The following ADAMTS17 variants were observed in gnomAD, a reference collection of about 807,000 sequenced individuals.
ADAMTS17 encodes A disintegrin and metalloproteinase with thrombospondin motifs 17.
A neutral mutation model predicts 141.5 loss-of-function variants in ADAMTS17; 113 were observed. The observed-to-expected ratio is 0.80, with a 90% CI of 0.69 to 0.93. The LOEUF (loss-of-function observed/expected upper bound fraction) is 0.93. Ranked by LOEUF, ADAMTS17 falls within the 40% of genes least tolerant of loss-of-function variation. The probability of loss-of-function intolerance (pLI) is 0.00; values close to 1 mark genes in which losing one functional copy is unlikely to be tolerated. For missense variants in ADAMTS17, 1,659 were observed against 1,517.9 expected (o/e 1.09, Z -1.54); for synonymous variants, 768 against 630.6 (o/e 1.22, Z -3.27).
intron 8 of ADAMTS17, among the ~76,000 whole-genome samples, chr15:100,181,705 T>C (rs1687022274): frequency 6.6e-6 from 1 of 152,264 alleles, no homozygotes; most frequent in African/African-American, 2.4e-5. Context: ...GACAATGTTC[T>C]CTTTACGCTT....
At chr15:100,305,077 G>C (rs1298393162) in intron 3 of ADAMTS17, among the ~76,000 whole-genome samples, 1 of 152,104 alleles carries the variant, frequency 6.6e-6, no homozygotes. Context: ...AGTTTCTGGA[G>C]AGTCAAAAGT....
At chr15:100,278,272 G>A (rs1311152080) in intron 4 of ADAMTS17, among the ~76,000 whole-genome samples, 1 of 151,404 alleles carries the variant, frequency 6.6e-6, no homozygotes, top group East Asian at 1.9e-4. Context: ...CACTGAGCTG[G>A]TCCACATAAA....
At position 100,286,339 on chromosome 15, in the gene ADAMTS17, T is replaced by C. The variant is rs138635999; in HGVS notation, c.617-4938A>G. On this transcript the variant is annotated intron_variant, in intron 3 of 21. Transcript: ENST00000268070. ...CTGCTGAGGCACAGGCAGTCTGACA[T>C]GCCACCGTGGCTGCTGGCACATATG... Among the ~76,000 whole-genome samples the C allele has an allele frequency of 8.3e-3, 1,268 of 152,290 alleles. 20 individuals are homozygous for C. The highest frequency in any genetic ancestry group is 0.055 in the Middle Eastern group (16 of 292).
intron 18 of ADAMTS17, among the ~76,000 whole-genome samples, chr15:100,032,031 G>C (rs2030225077): frequency 6.6e-6 from 1 of 152,200 alleles, no homozygotes; most frequent in African/African-American, 2.4e-5. Context: ...ACTTGGTACA[G>C]GTAGATGCAT....
At chr15:100,065,014 A>G (rs2033414090) in intron 15 of ADAMTS17, among the ~76,000 whole-genome samples, 1 of 152,212 alleles carries the variant, frequency 6.6e-6, no homozygotes, top group Non-Finnish European at 1.5e-5. Flanking sequence ...AGGTTCAACT[A>G]TGTGGAAATC....
At chr15:100,117,132 C>T in intron 12 of ADAMTS17, 119 bp from the exon 13 acceptor site, 1 of 1,177,438 alleles carries the variant, frequency 8.5e-7, no homozygotes, top group Non-Finnish European at 1.2e-6. Flanking sequence ...TTTCCAAAGC[C>T]ACCCCCTCTC....
chr15:100,116,936 C>A lies in ADAMTS17; in HGVS notation c.1799G>T (p.Gly600Val). ...AVCENLPCPK[G>V]LPSFRDQQCQ... The stretch of plus-strand genomic sequence containing the variant: ...CTGCTGGTCCCGGAAGCTGGGCAGA[C>A]CCTTGGGGCAGGGCAGGTTCTCGCA... Residue 600 changes from glycine (G) to valine (V), a missense_variant, in exon 13 of 22, where the codon GGT becomes GTT. Gly to Val is a moderately radical substitution (Grantham distance 109, BLOSUM62 -3). Transcript: ENST00000268070. 6.2e-7 allele frequency: 1 copy of A among 1,614,150 alleles called. No individual in the cohort carries two copies. Among genetic ancestry groups the A allele is most frequent in the Non-Finnish European group, 8.5e-7 (1 of 1,180,034 alleles).
intron 7 of ADAMTS17, among the ~76,000 whole-genome samples, chr15:100,222,871 G>A (rs374289606): frequency 0.014 from 2,186 of 152,284 alleles, 23 homozygotes; most frequent in Middle Eastern, 0.037. Flanking sequence ...CTAAGGGGGA[G>A]GCAGGCACCC....
At chr15:100,271,898 T>C (rs2043926366) in intron 4 of ADAMTS17, among the ~76,000 whole-genome samples, 1 of 152,232 alleles carries the variant, frequency 6.6e-6, no homozygotes, top group Non-Finnish European at 1.5e-5. Context: ...AATTTTTGTA[T>C]GTTAGGTAAG....
At chr15:100,171,958 A>G (rs2040176999) in intron 8 of ADAMTS17, among the ~76,000 whole-genome samples, 1 of 152,150 alleles carries the variant, frequency 6.6e-6, no homozygotes. Context: ...TCCCCTTATC[A>G]TCCCTCTCTG....
At chr15:100,170,431 G>A (rs549881634) in intron 8 of ADAMTS17, among the ~76,000 whole-genome samples, 2 of 152,292 alleles carry the variant, frequency 1.3e-5, no homozygotes, top group Admixed American at 6.5e-5. Flanking sequence ...AGCACGCAGG[G>A]ACTCCTAAAT....
rs1012797841 is a variant in ADAMTS17 at position 100,275,281 on chromosome 15, G to A, written c.789+5948C>T. Reference sequence around the variant, plus strand: ...AAGCAGATGGGTCCTGGCCACACAGGCTGGAGGGCCACATGAAAGGCAGGG... The same window carrying A: ...AAGCAGATGGGTCCTGGCCACACAGACTGGAGGGCCACATGAAAGGCAGGG... On this transcript the variant is annotated intron_variant, in intron 4 of 21. Transcript: ENST00000268070. Among the ~76,000 whole-genome samples, 6 of 152,334 alleles carry A rather than the reference G, an allele frequency of 3.9e-5. No homozygotes were observed. The East Asian group carries it at 9.6e-4, about 24-fold the overall frequency.
intron 3 of ADAMTS17, among the ~76,000 whole-genome samples, chr15:100,325,241 C>T (rs2045862912): frequency 6.6e-6 from 1 of 152,176 alleles, no homozygotes; most frequent in Admixed American, 6.5e-5. Flanking sequence ...CTATGCACCA[C>T]ACCCCTGCCC....
At chr15:100,089,526 T>G (rs983022095) in intron 15 of ADAMTS17, among the ~76,000 whole-genome samples, 1 of 151,394 alleles carries the variant, frequency 6.6e-6, no homozygotes, top group Admixed American at 6.6e-5. Context: ...TAAAGACACA[T>G]GCACACATAT....
intron 4 of ADAMTS17, among the ~76,000 whole-genome samples, chr15:100,265,429 C>G (rs1224248884): frequency 6.6e-6 from 1 of 152,226 alleles, no homozygotes; most frequent in African/African-American, 2.4e-5. Flanking sequence ...AATTCCGTCT[C>G]CGGCGTCCAG....
intron 20 of ADAMTS17, among the ~76,000 whole-genome samples, chr15:99,992,466 A>G (rs1057205959): frequency 6.6e-6 from 1 of 152,160 alleles, no homozygotes; most frequent in African/African-American, 2.4e-5. Context: ...AATCATTCAA[A>G]TATATCAGAT....
At chr15:100,203,147 G>A (rs1052856060) in intron 7 of ADAMTS17, among the ~76,000 whole-genome samples, 1 of 152,128 alleles carries the variant, frequency 6.6e-6, no homozygotes, top group Non-Finnish European at 1.5e-5. Flanking sequence ...TTATAGATGG[G>A]GAAACAGAGG....
chr15:100,087,676 G>C (rs547914263), intron 15 of ADAMTS17, among the ~76,000 whole-genome samples: 3 of 152,258 alleles, frequency 2.0e-5, no homozygotes, highest in East Asian at 3.9e-4. Flanking sequence ...ATGCAAGGCT[G>C]GTTCAACATA....
intron 18 of ADAMTS17, among the ~76,000 whole-genome samples, chr15:100,047,201 T>C (rs6598290): frequency 0.27 from 36,659 of 135,626 alleles, 5,969 homozygotes; most frequent in East Asian, 0.45. Flanking sequence ...TTGGTCAGAC[T>C]GGTTGCTCTC....
Sources: allele counts gnomAD v4.1 joint callset (sites outside exome capture counted in the v4.1 genomes callset), GRCh38; gene constraint gnomAD v4.1.1; transcripts MANE v1.5; gene names NCBI Gene and HGNC (gene_info 2026-07-23, HGNC 2026-07-21).